C6orf136: variants seen among roughly 807,000 people sequenced by gnomAD.
The protein encoded by C6orf136 is uncharacterized protein C6orf136.
C6orf136 carries 29 observed loss-of-function variants against 44.0 expected under a neutral mutation model. The observed-to-expected ratio is 0.66, with a 90% CI of 0.49 to 0.90. The LOEUF (loss-of-function observed/expected upper bound fraction) is 0.90, where lower values mean the gene tolerates loss of function less well. Ranked by LOEUF, C6orf136 falls within the 40% of genes least tolerant of loss-of-function variation. The pLI, the probability that C6orf136 is intolerant of heterozygous loss-of-function variation, is 0.00. For missense variants in C6orf136, 628 were observed against 669.3 expected, an observed-to-expected ratio of 0.94 and a Z score of 0.68; for synonymous variants, 293 against 278.6, an observed-to-expected ratio of 1.05 and a Z score of -0.52.
At position 30,653,160 on chromosome 6, in the gene C6orf136, C is replaced by G; in HGVS notation, c.*245C>G. ...CCAAATGTTCCCACAAGCTTTATTCCAAAAATAATTTTATTTAATAGGTAT... is the reference window on the plus strand; with the variant it reads ...CCAAATGTTCCCACAAGCTTTATTCGAAAAATAATTTTATTTAATAGGTAT... On this transcript the variant is annotated 3_prime_UTR_variant, in exon 6 of 6. Transcript: ENST00000651131. The G allele has an allele frequency of 1.3e-6, 2 of 1,486,352 alleles. No homozygotes were observed. The highest frequency in any genetic ancestry group is 1.8e-6 in the Non-Finnish European group (2 of 1,108,760). The allele number at this position is 1,486,352 out of a possible 1,614,324, so 92.1% of individuals were successfully genotyped here. A position where few individuals can be genotyped will look rare whatever the true frequency, so the allele number is the denominator to read the frequency against.
rs1456491088 is a variant in C6orf136, at chr6:30,650,917, A to T, written c.1018-77A>T. 4 of 1,263,542 alleles carry T rather than the reference A, an allele frequency of 3.2e-6. No homozygotes were observed. In the Admixed American group the frequency reaches 7.7e-5, roughly 24 times the overall value. 78.3% of individuals were successfully genotyped at this position (1,263,542 alleles called of 1,614,324 possible). A position where few individuals can be genotyped will look rare whatever the true frequency, so the allele number is the denominator to read the frequency against. On this transcript the variant is annotated intron_variant, in intron 2 of 5. Coordinates refer to ENST00000651131, the MANE Select transcript of C6orf136 (RefSeq NM_001161376.2). ...ACAGAGCTAGACTCCGTCTCAAAAAAAAAAAAAAATTAGAAAACTGAAAAA... is the reference window on the plus strand; with the variant it reads ...ACAGAGCTAGACTCCGTCTCAAAAATAAAAAAAAATTAGAAAACTGAAAAA...
rs1172167993 is a variant in C6orf136, at chr6:30,647,392, C to G, written c.161C>G (p.Ser54Cys). The G allele has an allele frequency of 6.7e-7, 1 of 1,484,114 alleles. No individual in the cohort carries two copies. The highest frequency in any genetic ancestry group is 9.0e-7 in the Non-Finnish European group (1 of 1,117,140). The allele number at this position is 1,484,114 out of a possible 1,614,324, so 91.9% of individuals were successfully genotyped here. The stretch of plus-strand genomic sequence containing the variant: ...CGTGGGGCGGAGCGCGCGCTGGGTT[C>G]CGCGCAGGCGCAGAGACACCCGCCG... ...PVRGAERALG[S>C]AQAQRHPPPL... is the part of the protein sequence containing the mutation. The change falls in exon 1 of 6, where the codon TCC (serine) becomes TGC (cysteine). Residue 54 changes from serine (S) to cysteine (C), a missense_variant. Physicochemically the swap from Ser to Cys is moderately radical, Grantham distance 112. Around this residue, in one of 2 missense-constraint regions of C6orf136, gnomAD observed 497 missense variants for 469.2 expected, o/e 1.06. Transcript: ENST00000651131. The surrounding 1 kb of genome is among the most constrained non-coding windows in gnomAD (Gnocchi z 4.8).
Position 30,649,543 on chromosome 6 carries a change from GTTCTT to G in C6orf136, c.616-13_616-9del, listed in dbSNP as rs770761005. ...GTGGATTCTTATCTTTCTCCCTTCTGTTCTTTCTCCTTAGGACCAGCTTTATCCAG... is the reference window on the plus strand; with the variant it reads ...GTGGATTCTTATCTTTCTCCCTTCTGTCTCCTTAGGACCAGCTTTATCCAG... On this transcript the variant is annotated splice_polypyrimidine_tract_variant and intron_variant, in intron 1 of 5. Coordinates refer to ENST00000651131, the MANE Select transcript of C6orf136 (RefSeq NM_001161376.2). 1.3e-6 allele frequency: 2 copies of G among 1,573,352 alleles called. No individual in the cohort carries two copies. The highest frequency in any genetic ancestry group is 2.4e-5 in the South Asian group (2 of 83,466).
rs535688451 is a variant in C6orf136 at position 30,647,429 on chromosome 6, C to T, written c.198C>T (p.Thr66=). The T allele has an allele frequency of 6.9e-4, 1,011 of 1,472,446 alleles. 4 individuals carry two copies. The highest frequency in any genetic ancestry group is 5.5e-3 in the Middle Eastern group (31 of 5,602). The allele number at this position is 1,472,446 out of a possible 1,614,324, so 91.2% of individuals were successfully genotyped here. ...QAQRHPPPLP[T]CALQRVDRLG... ...AGAGACACCCGCCGCCCCTTCCCACCTGTGCCCTGCAGCGCGTGGACAGGC... is the reference window on the plus strand; with the variant it reads ...AGAGACACCCGCCGCCCCTTCCCACTTGTGCCCTGCAGCGCGTGGACAGGC... Residue 66 remains threonine (T), a synonymous_variant, in exon 1 of 6, where the codon ACC becomes ACT. Transcript: ENST00000651131. This position sits in a 1 kb window ranked among gnomAD's most constrained non-coding sequence, Gnocchi z 4.8.
rs961213191 is a variant in C6orf136, at chr6:30,652,644, C to T, written c.1308-4C>T. The T allele has an allele frequency of 2.5e-6, 4 of 1,612,728 alleles. No individual in the cohort carries two copies. The African/African-American group carries it at 4.0e-5, about 16-fold the overall frequency. On this transcript the variant is annotated splice_region_variant and splice_polypyrimidine_tract_variant and intron_variant, in intron 4 of 5. Coordinates refer to ENST00000651131, the MANE Select transcript of C6orf136 (RefSeq NM_001161376.2). ...CCCTCAGTAAGCCTCCCTCTATTCC[C>T]CAGGACCTATGATGCCTACTCCACT... is the stretch of plus-strand genomic sequence containing the variant.
At position 30,649,811 on chromosome 6, in the gene C6orf136, G is replaced by A; in HGVS notation, c.869G>A (p.Ser290Asn). Reference protein sequence around the residue: ...LHSGCLDGLRSLFEGPPCPYP... With the variant: ...LHSGCLDGLRNLFEGPPCPYP... ...AGCGGCTGCCTGGATGGGCTTAGAA[G>A]CCTTTTTGAGGGACCTCCCTGCCCC... The change falls in exon 2 of 6, where the codon AGC becomes AAC. Residue 290 changes from serine (S) to asparagine (N), a missense_variant. Physicochemically the swap from Ser to Asn is conservative, Grantham distance 46 (BLOSUM62 1). Coordinates refer to ENST00000651131, the MANE Select transcript of C6orf136 (RefSeq NM_001161376.2). The A allele has an allele frequency of 6.2e-7, 1 of 1,614,088 alleles. No homozygotes were observed. Among genetic ancestry groups the A allele is most frequent in the Non-Finnish European group, 8.5e-7 (1 of 1,180,014 alleles).
intron 1 of C6orf136, among the ~76,000 whole-genome samples, chr6:30,649,348 C>G (rs62408677): frequency 6.6e-6 from 1 of 152,196 alleles, no homozygotes; most frequent in Non-Finnish European, 1.5e-5. Context: ...GGCAACAGAG[C>G]GAGACTCCAT....
In C6orf136 at chr6:30,651,258, C is replaced by A; in HGVS notation, c.1107-8C>A. ...TCATGAGATTTCTTTCCCATCCCTT[C>A]TTCACAGGGGCCGGACATGGTACAT... On this transcript the variant is annotated splice_region_variant and splice_polypyrimidine_tract_variant and intron_variant, in intron 3 of 5. Transcript: ENST00000651131. 6.2e-7 allele frequency: 1 copy of A among 1,614,018 alleles called. No individual in the cohort carries two copies.
chr6:30,647,256 G>A lies in C6orf136; in HGVS notation c.25G>A (p.Ala9Thr). The change falls in exon 1 of 6, where the codon GCC becomes ACC. Residue 9 changes from alanine to threonine, a missense_variant. Physicochemically the swap from Ala to Thr is moderately conservative, Grantham distance 58. Coordinates refer to ENST00000651131, the MANE Select transcript of C6orf136 (RefSeq NM_001161376.2). The surrounding 1 kb of genome is among the most constrained non-coding windows in gnomAD (Gnocchi z 4.8). The part of the protein sequence containing the change: MYQPSRGA[A>T]RRLGPCLRAY... ...CATGTACCAGCCCAGCCGGGGTGCG[G>A]CCCGGCGTCTCGGCCCTTGCCTGCG... 1.3e-6 allele frequency: 2 copies of A among 1,596,980 alleles called. No homozygotes were observed. Among genetic ancestry groups the A allele is most frequent in the African/African-American group, 1.4e-5 (1 of 72,906 alleles).
In C6orf136 at chr6:30,649,898, C is replaced by T. The variant is rs751362069; in HGVS notation, c.956C>T (p.Pro319Leu). The change falls in exon 2 of 6, where the codon CCG becomes CTG. Residue 319 changes from proline (P) to leucine (L), a missense_variant. Around this residue, in one of 2 missense-constraint regions of C6orf136, gnomAD observed 497 missense variants for 469.2 expected, o/e 1.06. Transcript: ENST00000651131. ...PGTAHPSPAT[P>L]SGDPSMEEHL... The stretch of plus-strand genomic sequence containing the variant: ...ACTGCCCACCCTTCCCCTGCCACCC[C>T]GTCAGGAGATCCTAGTATGGAGGAA... 8.1e-6 allele frequency: 13 copies of T among 1,613,766 alleles called. No homozygotes were observed. The highest frequency in any genetic ancestry group is 3.3e-5 in the Admixed American group (2 of 59,984).
At position 30,647,257 on chromosome 6, in the gene C6orf136, CCCGGCGT is replaced by C; in HGVS notation, c.28_34del (p.Arg10SerfsTer14). On this transcript the variant is annotated frameshift_variant, in exon 1 of 6. Transcript: ENST00000651131. LOFTEE classifies it high-confidence loss of function. The surrounding 1 kb of genome is among the most constrained non-coding windows in gnomAD (Gnocchi z 4.8). Reference sequence around the variant, plus strand: ...ATGTACCAGCCCAGCCGGGGTGCGGCCCGGCGTCTCGGCCCTTGCCTGCGCGCCTACC... The same window carrying C: ...ATGTACCAGCCCAGCCGGGGTGCGGCCTCGGCCCTTGCCTGCGCGCCTACC... 1 of 1,597,768 alleles carries C rather than the reference CCCGGCGT, an allele frequency of 6.3e-7. No homozygotes were observed. The highest frequency in any genetic ancestry group is 8.5e-7 in the Non-Finnish European group (1 of 1,174,696).
chr6:30,650,925 A>T, intron 2 of C6orf136, 69 bp from the exon 3 acceptor site: 1 of 1,322,446 alleles, frequency 7.6e-7, no homozygotes, highest in Non-Finnish European at 1.1e-6. Context: ...AAAAAAAAAA[A>T]ATTAGAAAAC....
intron 2 of C6orf136, 67 bp downstream of exon 2, chr6:30,650,026 G>C (rs1767261468): frequency 2.2e-6 from 3 of 1,395,262 alleles, no homozygotes; most frequent in Admixed American, 2.1e-5. Context: ...GGACGTACAG[G>C]GATAGTCAAC....
Position 30,649,677 on chromosome 6 carries a change from T to C in C6orf136, c.735T>C (p.Arg245=). 6.2e-7 allele frequency: 1 copy of C among 1,609,282 alleles called. No individual in the cohort carries two copies. Among genetic ancestry groups the C allele is most frequent in the Non-Finnish European group, 8.5e-7 (1 of 1,178,514 alleles). ...TGCCCCCACGCCTTCCCACCCAGCGTCTTCCCCAGGTTCCCCCACTACCTC... is the reference window on the plus strand; with the variant it reads ...TGCCCCCACGCCTTCCCACCCAGCGCCTTCCCCAGGTTCCCCCACTACCTC... ...SPLPPRLPTQ[R]LPQVPPLPLP... The change falls in exon 2 of 6, where the codon CGT becomes CGC. Residue 245 remains arginine, a synonymous_variant. Coordinates refer to ENST00000651131, the MANE Select transcript of C6orf136 (RefSeq NM_001161376.2).
intron 1 of C6orf136, among the ~76,000 whole-genome samples, chr6:30,649,326 G>C (rs191119400): frequency 6.6e-6 from 1 of 152,212 alleles, no homozygotes; most frequent in Non-Finnish European, 1.5e-5. Context: ...TCGTGCTACT[G>C]CACTCCAGCC....
chr6:30,647,992 G>A lies in C6orf136; in HGVS notation c.615+146G>A, dbSNP rs1767032491. 2.1e-5 allele frequency: 26 copies of A among 1,216,354 alleles called. No individual in the cohort carries two copies. Among genetic ancestry groups the A allele is most frequent in the Non-Finnish European group, 2.8e-5 (26 of 913,358 alleles). 75.3% of individuals were successfully genotyped at this position (1,216,354 alleles called of 1,614,324 possible). A position where few individuals can be genotyped will look rare whatever the true frequency, so the allele number is the denominator to read the frequency against. On this transcript the variant is annotated intron_variant, in intron 1 of 5. Transcript: ENST00000651131. The surrounding 1 kb of genome is among the most constrained non-coding windows in gnomAD (Gnocchi z 4.8). ...GGTAAACCCAGGAGAGTGAAGGCCA[G>A]CCTTTAACTGTCTCCTGAGGTTGTG...
rs1162146160 is a variant in C6orf136, at chr6:30,647,622, A to T, written c.391A>T (p.Arg131Trp). The change falls in exon 1 of 6, where the codon AGG (arginine) becomes TGG (tryptophan). Residue 131 changes from arginine to tryptophan, a missense_variant. Around this residue, in one of 2 missense-constraint regions of C6orf136, gnomAD observed 497 missense variants for 469.2 expected, o/e 1.06. Coordinates refer to ENST00000651131, the MANE Select transcript of C6orf136 (RefSeq NM_001161376.2). The surrounding 1 kb of genome is among the most constrained non-coding windows in gnomAD (Gnocchi z 4.8). The stretch of plus-strand genomic sequence containing the variant: ...TGTGCCTAGAGGTGATTTGAAGGGC[A>T]GGGGCCGAGAGATTCGTAGCCCTGC... ...LPVPRGDLKG[R>W]GREIRSPAAA... The T allele has an allele frequency of 3.2e-6, 5 of 1,549,680 alleles. No homozygotes were observed. The East Asian group carries it at 9.8e-5, about 30-fold the overall frequency.
Position 30,649,645 on chromosome 6 carries a change from T to G in C6orf136, c.703T>G (p.Ser235Ala), listed in dbSNP as rs752055142. The change falls in exon 2 of 6, where the codon TCT (serine) becomes GCT (alanine). Residue 235 changes from serine to alanine, a missense_variant. Physicochemically the swap from Ser to Ala is moderately conservative, Grantham distance 99. Around this residue, in one of 2 missense-constraint regions of C6orf136, gnomAD observed 497 missense variants for 469.2 expected, o/e 1.06. Transcript: ENST00000651131. Reference sequence around the variant, plus strand: ...TTCCCCATCTTCTCCTCTATTCTGGTCTCCCCTGCCCCCACGCCTTCCCAC... The same window carrying G: ...TTCCCCATCTTCTCCTCTATTCTGGGCTCCCCTGCCCCCACGCCTTCCCAC... Reference protein sequence around the residue: ...TTSPSSPLFWSPLPPRLPTQR... With the variant: ...TTSPSSPLFWAPLPPRLPTQR... 6.2e-7 allele frequency: 1 copy of G among 1,601,290 alleles called. No individual in the cohort carries two copies.
At position 30,651,392 on chromosome 6, in the gene C6orf136, G is replaced by T. The variant is rs199806173; in HGVS notation, c.1233G>T (p.Arg411=). The T allele has an allele frequency of 3.2e-5, 52 of 1,613,416 alleles. No individual in the cohort carries two copies. The highest frequency in any genetic ancestry group is 4.0e-5 in the Non-Finnish European group (47 of 1,180,052). ...CTGAGAACTGGACCCTGCAAGCCCGGTGGCGGCTTGTGGGGCTGCCCGTCC... is the reference window on the plus strand; with the variant it reads ...CTGAGAACTGGACCCTGCAAGCCCGTTGGCGGCTTGTGGGGCTGCCCGTCC... ...RHPENWTLQA[R]WRLVGLPVHL... is the part of the protein sequence containing the mutation. The change falls in exon 4 of 6, where the codon CGG becomes CGT. Residue 411 remains arginine, a synonymous_variant. Coordinates refer to ENST00000651131, the MANE Select transcript of C6orf136 (RefSeq NM_001161376.2).
Sources: allele counts gnomAD v4.1 joint callset (sites outside exome capture counted in the v4.1 genomes callset), GRCh38; gene constraint gnomAD v4.1.1; regional missense constraint gnomAD v4.1.1; non-coding constraint Gnocchi (gnomAD v3.1); transcripts MANE v1.5; gene names NCBI Gene and HGNC (gene_info 2026-07-23, HGNC 2026-07-21).